RGS12: variants seen among roughly 807,000 people sequenced by gnomAD.
The protein encoded by RGS12 is regulator of G-protein signaling 12.
A neutral mutation model predicts 120.1 loss-of-function variants in RGS12; 66 were observed. The ratio of observed to expected loss-of-function variants is 0.55; its 90% CI spans 0.45 to 0.67. The LOEUF (loss-of-function observed/expected upper bound fraction) is 0.67. Ranked by LOEUF, RGS12 falls within the 30% of genes least tolerant of loss-of-function variation. The pLI is 0.00. For missense variants in RGS12, 1,859 were observed against 1,957.7 expected (o/e 0.95, Z 0.95); for synonymous variants, 827 against 804.7 (o/e 1.03, Z -0.47).
chr4:3,438,009 C>T (rs933848369), intron 17 of RGS12, among the ~76,000 whole-genome samples: 2 of 152,180 alleles, frequency 1.3e-5, no homozygotes, highest in Non-Finnish European at 2.9e-5. Context: ...AAGGACCCTG[C>T]GGCCATTTCA....
intron 4 of RGS12, among the ~76,000 whole-genome samples, chr4:3,411,958 C>T (rs1271421872): frequency 6.6e-6 from 1 of 152,278 alleles, no homozygotes; most frequent in African/African-American, 2.4e-5. Context: ...GCCCCAGCCG[C>T]AGGCCTCTGA....
intron 3 of RGS12, among the ~76,000 whole-genome samples, chr4:3,368,617 T>G (rs553049310): frequency 3.1e-4 from 30 of 95,616 alleles, no homozygotes; most frequent in Non-Finnish European, 4.6e-4. Flanking sequence ...TACCTGTGTG[T>G]GGGGGGGTAC....
chr4:3,332,543 A>G (rs888121599), intron 2 of RGS12, among the ~76,000 whole-genome samples: 12 of 152,286 alleles, frequency 7.9e-5, no homozygotes, highest in Middle Eastern at 6.8e-3. Context: ...TCTTTTGCTA[A>G]TCTGGGAGCT....
At chr4:3,291,909 G>C (rs1374544828), upstream of RGS12, among the ~76,000 whole-genome samples, 1 of 152,222 alleles carries the variant, frequency 6.6e-6, no homozygotes, top group African/African-American at 2.4e-5. Flanking sequence ...GTCCCACTGA[G>C]AATGCCATTG....
chr4:3,439,085 C>G (rs1307506535), intron 17 of RGS12, among the ~76,000 whole-genome samples: 4 of 151,812 alleles, frequency 2.6e-5, no homozygotes, highest in Non-Finnish European at 5.9e-5. Context: ...GGGCCCTGGG[C>G]CTGGGGGGGC....
At chr4:3,431,494 G>A (rs763359112) in intron 17 of RGS12, 5 of 987,780 alleles carry the variant, frequency 5.1e-6, no homozygotes, top group Non-Finnish European at 6.0e-6. Flanking sequence ...GTGGGTGCTC[G>A]GGAGTGGAGG....
chr4:3,431,880 C>T, intron 17 of RGS12: 1 of 985,558 alleles, frequency 1.0e-6, no homozygotes. Context: ...TTGGTCTTGT[C>T]AGACCTGTAG....
Position 3,433,130 on chromosome 4 carries a change from G to A in RGS12, c.4114+2175G>A, listed in dbSNP as rs2109251029. Among the ~76,000 whole-genome samples, 1 of 152,352 alleles carries A rather than the reference G, an allele frequency of 6.6e-6. No homozygotes were observed. The highest frequency in any genetic ancestry group is 1.9e-4 in the East Asian group (1 of 5,182). On this transcript the variant is annotated intron_variant, in intron 17 of 17. Coordinates refer to ENST00000336727, the MANE Select transcript of RGS12 (RefSeq NM_001394154.1). The surrounding 1 kb of genome is among the most constrained non-coding windows in gnomAD (Gnocchi z 4.4). The stretch of plus-strand genomic sequence containing the variant: ...CTTTCACATCTGTGGGCCGGGGCGA[G>A]CCTGGACTGAGTGCTGACCTGTCCG...
intron 16 of RGS12, among the ~76,000 whole-genome samples, chr4:3,429,515 T>C (rs889155732): frequency 6.6e-6 from 1 of 152,240 alleles, no homozygotes; most frequent in African/African-American, 2.4e-5. Flanking sequence ...TGTATGTTTC[T>C]GAGAACCAGT....
chr4:3,439,673 A>T lies in RGS12; in HGVS notation c.4333A>T (p.Thr1445Ser). The T allele has an allele frequency of 6.5e-7, 1 of 1,531,514 alleles. No individual in the cohort carries two copies. The highest frequency in any genetic ancestry group is 8.8e-7 in the Non-Finnish European group (1 of 1,138,646). The allele number at this position is 1,531,514 out of a possible 1,614,324, so 94.9% of individuals were successfully genotyped here. The change falls in exon 18 of 18, where the codon ACC becomes TCC. Residue 1445 changes from threonine (T) to serine (S), a missense_variant. By Grantham distance (58) the Thr-to-Ser change is moderately conservative. This residue lies in a region of RGS12 where 517 missense variants were observed against 488.5 expected (regional missense o/e 1.06). Coordinates refer to ENST00000336727, the MANE Select transcript of RGS12 (RefSeq NM_001394154.1). ...GCCCAAGACCAGCGCTCACCACGCC[A>T]CCTTCGTCTGAGCTGCCCTGGCCTG... ...AKPKTSAHHATFV is the reference protein window; with the variant it reads ...AKPKTSAHHASFV
At position 3,372,962 on chromosome 4, in the gene RGS12, T is replaced by C. The variant is rs1717193667; in HGVS notation, c.1999-13454T>C. Among the ~76,000 whole-genome samples the C allele has an allele frequency of 6.6e-6, 1 of 152,146 alleles. No individual in the cohort carries two copies. The highest frequency in any genetic ancestry group is 1.5e-5 in the Non-Finnish European group (1 of 68,010). ...TAGGCAGTGTGGAGGCCATGGTCGCTGAGGAAGGGCAGGAGGGAGGAGGCG... is the reference window on the plus strand; with the variant it reads ...TAGGCAGTGTGGAGGCCATGGTCGCCGAGGAAGGGCAGGAGGGAGGAGGCG... On this transcript the variant is annotated intron_variant, in intron 3 of 17. Coordinates refer to ENST00000336727, the MANE Select transcript of RGS12 (RefSeq NM_001394154.1). This position sits in a 1 kb window ranked among gnomAD's most constrained non-coding sequence, Gnocchi z 4.3.
At chr4:3,312,055 T>C (rs897749215) in intron 1 of RGS12, among the ~76,000 whole-genome samples, 1 of 152,146 alleles carries the variant, frequency 6.6e-6, no homozygotes, top group Non-Finnish European at 1.5e-5. Context: ...AGGGGGAAGT[T>C]GGAGCTTCCT....
chr4:3,292,724 G>A (rs973179421), upstream of RGS12, among the ~76,000 whole-genome samples: 3 of 152,230 alleles, frequency 2.0e-5, no homozygotes, highest in East Asian at 5.8e-4. Flanking sequence ...CAGCACCAGG[G>A]CCGGGCCAGT....
chr4:3,304,127 G>A (rs758170583), intron 1 of RGS12, among the ~76,000 whole-genome samples: 16 of 152,192 alleles, frequency 1.1e-4, no homozygotes, highest in Non-Finnish European at 2.1e-4. Flanking sequence ...CTGATGCTCA[G>A]CCTCTTGGTT....
chr4:3,335,344 A>G (rs1285930362), intron 2 of RGS12, among the ~76,000 whole-genome samples: 1 of 152,176 alleles, frequency 6.6e-6, no homozygotes, highest in African/African-American at 2.4e-5. Flanking sequence ...TGATTCTAAA[A>G]TAGTTTTGCT....
At chr4:3,396,875 C>T (rs1359251027) in intron 4 of RGS12, among the ~76,000 whole-genome samples, 3 of 151,520 alleles carry the variant, frequency 2.0e-5, no homozygotes, top group East Asian at 1.9e-4. Flanking sequence ...GAAATGTTAT[C>T]ACAAGCCACA....
chr4:3,352,918 G>A (rs1171048372), intron 3 of RGS12, among the ~76,000 whole-genome samples: 3 of 152,212 alleles, frequency 2.0e-5, no homozygotes, highest in Non-Finnish European at 4.4e-5. Flanking sequence ...CCAGCCATTG[G>A]CTTCTGTCTG....
rs1719219009 is a variant in RGS12, at chr4:3,389,377, G to A, written c.2020+2940G>A. ...CATTCTAGCATTATAGAGAGGCTTAGCAGGGGAATGGTCTGCCTTGTGGGA... is the reference window on the plus strand; with the variant it reads ...CATTCTAGCATTATAGAGAGGCTTAACAGGGGAATGGTCTGCCTTGTGGGA... On this transcript the variant is annotated intron_variant, in intron 4 of 17. Coordinates refer to ENST00000336727, the MANE Select transcript of RGS12 (RefSeq NM_001394154.1). This position sits in a 1 kb window ranked among gnomAD's most constrained non-coding sequence, Gnocchi z 5.2. Among the ~76,000 whole-genome samples the A allele has an allele frequency of 6.6e-6, 1 of 152,164 alleles. No homozygotes were observed. The highest frequency in any genetic ancestry group is 2.1e-4 in the South Asian group (1 of 4,812).
chr4:3,354,927 A>G (rs1394638896), intron 3 of RGS12, among the ~76,000 whole-genome samples: 1 of 152,224 alleles, frequency 6.6e-6, no homozygotes, highest in Non-Finnish European at 1.5e-5. Flanking sequence ...AAAAATAAAG[A>G]AAGATTATTT....
Sources: gnomAD v4.1 joint callset for allele counts (sites outside exome capture counted in the v4.1 genomes callset) on GRCh38, gnomAD v4.1.1 for gene constraint, gnomAD v4.1.1 regional missense constraint, Gnocchi (gnomAD v3.1) non-coding constraint, MANE v1.5 for transcripts, NCBI Gene and HGNC (gene_info 2026-07-23, HGNC 2026-07-21) for gene names.